UPF3A: variants seen among roughly 807,000 people sequenced by gnomAD.
UPF3A encodes regulator of nonsense transcripts 3A.
UPF3A carries 42 observed loss-of-function variants against 53.5 expected under a neutral mutation model. The observed-to-expected ratio is 0.78, with a 90% CI of 0.61 to 1.01. The LOEUF (loss-of-function observed/expected upper bound fraction) is 1.01, where lower values mean the gene tolerates loss of function less well. UPF3A is among the 50% of genes least tolerant of loss of function. UPF3A has a pLI of 0.00. For synonymous variants in UPF3A, 237 were observed against 225.3 expected (o/e 1.05, Z -0.47); for missense variants, 575 against 598.0 (o/e 0.96, Z 0.40).
intron 3 of UPF3A, 83 bp from the exon 4 acceptor site, chr13:114,286,219 T>C: frequency 1.3e-6 from 2 of 1,548,604 alleles, no homozygotes; most frequent in Non-Finnish European, 1.8e-6. Flanking sequence ...ACACTTACTC[T>C]TTAAGTAAGT....
chr13:114,281,908 G>A, intron 1 of UPF3A, 62 bp downstream of exon 1: 1 of 1,040,164 alleles, frequency 9.6e-7, no homozygotes, highest in Non-Finnish European at 1.4e-6. Flanking sequence ...GTGGAGGGAG[G>A]GGAGGGAGGG....
At chr13:114,295,330 C>T (rs1243235215) in intron 7 of UPF3A, among the ~76,000 whole-genome samples, 1 of 141,450 alleles carries the variant, frequency 7.1e-6, no homozygotes, top group Non-Finnish European at 1.6e-5. Flanking sequence ...TCGTCTCCAG[C>T]AGCTCTGGCC....
rs370734483 is a variant in UPF3A, at chr13:114,298,935, C to G, written c.942C>G (p.Ser314=). 1 of 1,610,526 alleles carries G rather than the reference C, an allele frequency of 6.2e-7. No individual in the cohort carries two copies. Among genetic ancestry groups the G allele is most frequent in the Non-Finnish European group, 8.5e-7 (1 of 1,178,584 alleles). Residue 314 remains serine (S), a synonymous_variant, in exon 8 of 10, where the codon TCC becomes TCG. Coordinates refer to ENST00000375299, the MANE Select transcript of UPF3A (RefSeq NM_023011.4). The part of the protein sequence containing the change: ...EIDTGGGKQE[S]CAPGAVVKAR... ...ATACTGGAGGTGGCAAGCAGGAATC[C>G]TGTGCCCCCGGTGCAGTCGTAAAAG... is the stretch of plus-strand genomic sequence containing the variant.
At chr13:114,283,971 C>G (rs2084392740) in intron 3 of UPF3A, 1 of 985,442 alleles carries the variant, frequency 1.0e-6, no homozygotes, top group Non-Finnish European at 1.2e-6. Flanking sequence ...ATTAGCCAAG[C>G]TAGTTCCTGT....
At chr13:114,282,512 T>C in intron 2 of UPF3A, 1 of 985,392 alleles carries the variant, frequency 1.0e-6, no homozygotes, top group Non-Finnish European at 1.2e-6. Context: ...AGTGCGGTTT[T>C]AAATACCGGA....
Position 114,291,821 on chromosome 13 carries a change from C to G in UPF3A, c.846+29C>G, listed in dbSNP as rs762927088. 34 of 1,561,032 alleles carry G rather than the reference C, an allele frequency of 2.2e-5. No homozygotes were observed. In the Admixed American group the frequency reaches 7.0e-4, roughly 32 times the overall value. On this transcript the variant is annotated intron_variant, in intron 7 of 9. Coordinates refer to ENST00000375299, the MANE Select transcript of UPF3A (RefSeq NM_023011.4). ...ATTCTGAGGAAACATTTCCTTTTTC[C>G]AAAAATAGCTCTGCTATAGTAATTA...
chr13:114,294,645 G>A (rs1245263668), intron 7 of UPF3A, among the ~76,000 whole-genome samples: 1 of 152,080 alleles, frequency 6.6e-6, no homozygotes, highest in Non-Finnish European at 1.5e-5. Flanking sequence ...CTAACACAGT[G>A]AAACCCCATG....
At chr13:114,298,255 C>T (rs1714314069) in intron 7 of UPF3A, among the ~76,000 whole-genome samples, 1 of 152,024 alleles carries the variant, frequency 6.6e-6, no homozygotes, top group Admixed American at 6.6e-5. Flanking sequence ...CGCCTGTAAT[C>T]CCAGCTACTT....
chr13:114,298,602 C>T (rs1037579543), intron 7 of UPF3A, among the ~76,000 whole-genome samples: 3 of 152,142 alleles, frequency 2.0e-5, no homozygotes, highest in Non-Finnish European at 2.9e-5. Flanking sequence ...TTATTCATTA[C>T]GTGAACATCT....
At chr13:114,284,127 G>C in intron 3 of UPF3A, 1 of 954,320 alleles carries the variant, frequency 1.0e-6, no homozygotes, top group Non-Finnish European at 1.2e-6. Context: ...ACTTTAGGAG[G>C]CCAAGGCGGG....
At position 114,304,786 on chromosome 13, in the gene UPF3A, C is replaced by T. The variant is rs1185099972; in HGVS notation, c.1303-3C>T. On this transcript the variant is annotated splice_region_variant and splice_polypyrimidine_tract_variant and intron_variant, in intron 9 of 9. Coordinates refer to ENST00000375299, the MANE Select transcript of UPF3A (RefSeq NM_023011.4). The stretch of plus-strand genomic sequence containing the variant: ...AGAGTAACATGCCCTCTTATCCTGG[C>T]AGGACCGGCCAGCCTTGCAGCTGTA... The T allele has an allele frequency of 1.2e-6, 2 of 1,613,194 alleles. No homozygotes were observed. Among genetic ancestry groups the T allele is most frequent in the Admixed American group, 1.7e-5 (1 of 59,978 alleles).
At chr13:114,298,392 T>C (rs888757098) in intron 7 of UPF3A, among the ~76,000 whole-genome samples, 2 of 148,656 alleles carry the variant, frequency 1.3e-5, no homozygotes, top group Non-Finnish European at 3.0e-5. Flanking sequence ...AAAAAAAAAT[T>C]AGACGGGTAT....
rs561788941 is a variant in UPF3A at position 114,304,999 on chromosome 13, A to G, written c.*82A>G. Reference sequence around the variant, plus strand: ...ATGACCCCGAGTGTGACTGGGAAGGAGAACTTATTCCTTACCAGGAAACTG... The same window carrying G: ...ATGACCCCGAGTGTGACTGGGAAGGGGAACTTATTCCTTACCAGGAAACTG... On this transcript the variant is annotated 3_prime_UTR_variant, in exon 10 of 10. Coordinates refer to ENST00000375299, the MANE Select transcript of UPF3A (RefSeq NM_023011.4). 5 of 1,516,366 alleles carry G rather than the reference A, an allele frequency of 3.3e-6. No homozygotes were observed. The highest frequency in any genetic ancestry group is 4.9e-5 in the East Asian group (2 of 40,576). 93.9% of individuals were successfully genotyped at this position (1,516,366 alleles called of 1,614,324 possible).
At position 114,283,794 on chromosome 13, in the gene UPF3A, G is replaced by C. The variant is rs1458685197; in HGVS notation, c.421+851G>C. ...CTTCTCTTCTCCTGTCAGGCTGTCT[G>C]CTGTTGTGTTCCTGGCTGTCAAGTT... On this transcript the variant is annotated intron_variant, in intron 3 of 9. Transcript: ENST00000375299. The C allele has an allele frequency of 4.1e-6, 4 of 985,484 alleles. No homozygotes were observed. In the African/African-American group the frequency reaches 7.0e-5, roughly 17 times the overall value. The allele number at this position is 985,484 out of a possible 1,614,324, so 61.0% of individuals were successfully genotyped here. A position where few individuals can be genotyped will look rare whatever the true frequency, so the allele number is the denominator to read the frequency against.
intron 5 of UPF3A, among the ~76,000 whole-genome samples, chr13:114,288,554 C>A (rs915068236): frequency 1.3e-5 from 2 of 152,162 alleles, no homozygotes; most frequent in Non-Finnish European, 2.9e-5. Flanking sequence ...AGGTTCAGGG[C>A]ACTGCAAGAC....
chr13:114,288,282 A>T (rs2084924501), intron 5 of UPF3A, among the ~76,000 whole-genome samples: 1 of 152,242 alleles, frequency 6.6e-6, no homozygotes, highest in South Asian at 2.1e-4. Context: ...AGGGCACCTC[A>T]GTGTGTAATC....
In UPF3A at chr13:114,281,667, GGCCTT is replaced by G. The variant is rs976448629; in HGVS notation, c.29_33del (p.Gly10AlafsTer32). On this transcript the variant is annotated frameshift_variant, in exon 1 of 10. Coordinates refer to ENST00000375299, the MANE Select transcript of UPF3A (RefSeq NM_023011.4). LOFTEE classifies it high-confidence loss of function. ...GCGCTCGGAAAAGGAGGGGGCCGGA[GGCCTT>G]CGGGCGGCCGTTGCCGCGCGGGGCC... is the stretch of plus-strand genomic sequence containing the variant. 2.0e-6 allele frequency: 3 copies of G among 1,524,918 alleles called. No homozygotes were observed. The highest frequency in any genetic ancestry group is 2.6e-6 in the Non-Finnish European group (3 of 1,137,400). The allele number at this position is 1,524,918 out of a possible 1,614,324, so 94.5% of individuals were successfully genotyped here.
intron 7 of UPF3A, among the ~76,000 whole-genome samples, chr13:114,293,385 A>T (rs2139264099): frequency 7.5e-6 from 1 of 132,958 alleles, no homozygotes; most frequent in Middle Eastern, 4.7e-3. Flanking sequence ...CTCTGTCTTA[A>T]AAAAAAAAAA....
intron 7 of UPF3A, among the ~76,000 whole-genome samples, chr13:114,295,493 C>T (rs2085868942): frequency 6.6e-6 from 1 of 152,238 alleles, no homozygotes; most frequent in African/African-American, 2.4e-5. Context: ...GCACGTTTCC[C>T]TCCACAGGGA....
Sources: gnomAD v4.1 joint callset for allele counts (sites outside exome capture counted in the v4.1 genomes callset) on GRCh38, gnomAD v4.1.1 for gene constraint, MANE v1.5 for transcripts, NCBI Gene and HGNC (gene_info 2026-07-23, HGNC 2026-07-21) for gene names.